The following BCO1 variants were observed in gnomAD, a reference collection of about 807,000 sequenced individuals.
The protein encoded by BCO1 is beta-carotene oxygenase 1.
In BCO1, 54 loss-of-function variants were observed where a neutral mutation model predicts 56.3. The ratio of observed to expected loss-of-function variants is 0.96; its 90% CI spans 0.77 to 1.20. BCO1 has a LOEUF of 1.20. Ranked by LOEUF, BCO1 falls within the 50% of genes most tolerant of loss-of-function variation. The probability of loss-of-function intolerance (pLI) is 0.00; values close to 1 mark genes in which losing one functional copy is unlikely to be tolerated. For missense variants in BCO1, 801 were observed against 690.9 expected (o/e 1.16, Z -1.79); for synonymous variants, 318 against 266.1 (o/e 1.20, Z -1.90).
At chr16:81,268,388 A>G (rs1906968375) in intron 6 of BCO1, among the ~76,000 whole-genome samples, 1 of 152,138 alleles carries the variant, frequency 6.6e-6, no homozygotes, top group Non-Finnish European at 1.5e-5. Flanking sequence ...CAAACATGGA[A>G]GCCCTGGCAG....
In BCO1 at chr16:81,270,301, A is replaced by G; in HGVS notation, c.986A>G (p.Asn329Ser). The G allele has an allele frequency of 2.5e-6, 4 of 1,614,026 alleles. No individual in the cohort carries two copies. Among genetic ancestry groups the G allele is most frequent in the Non-Finnish European group, 3.4e-6 (4 of 1,180,012 alleles). The change falls in exon 7 of 11, where the codon AAC (asparagine) becomes AGC (serine). Residue 329 changes from asparagine (N) to serine (S), a missense_variant. Physicochemically the swap from Asn to Ser is conservative, Grantham distance 46 (BLOSUM62 1). Coordinates refer to ENST00000258168, the MANE Select transcript of BCO1 (RefSeq NM_017429.3). ...IVFDVIAYED[N>S]SLYQLFYLAN... ...TTTGACGTCATTGCCTACGAGGACA[A>G]CAGCCTCTACCAGCTCTTCTACCTG...
intron 1 of BCO1, among the ~76,000 whole-genome samples, chr16:81,241,636 T>A (rs1298826111): frequency 6.6e-6 from 1 of 152,050 alleles, no homozygotes; most frequent in Non-Finnish European, 1.5e-5. Flanking sequence ...ATTCCAAAGG[T>A]AAGAACCATT....
intron 8 of BCO1, among the ~76,000 whole-genome samples, chr16:81,282,216 C>T (rs533440267): frequency 1.3e-5 from 2 of 152,070 alleles, no homozygotes; most frequent in Middle Eastern, 3.4e-3. Context: ...ACATCTCTAC[C>T]GAAAATACAA....
At chr16:81,274,421 A>T (rs1377539968) in intron 7 of BCO1, among the ~76,000 whole-genome samples, 2 of 151,776 alleles carry the variant, frequency 1.3e-5, no homozygotes, top group Non-Finnish European at 2.9e-5. Context: ...CCGCCACTAC[A>T]CCTGGCTTAT....
intron 2 of BCO1, among the ~76,000 whole-genome samples, chr16:81,251,874 A>ATTTGTG (rs138414050): frequency 6.1e-5 from 9 of 146,694 alleles, no homozygotes; most frequent in African/African-American, 2.3e-4. Context: ...ACACACATAT[A>ATTTGTG]TGTGTGTGTG....
At chr16:81,257,974 T>A (rs1906250270) in intron 2 of BCO1, among the ~76,000 whole-genome samples, 2 of 151,102 alleles carry the variant, frequency 1.3e-5, no homozygotes, top group Admixed American at 1.3e-4. Context: ...ATGGGCCCAG[T>A]GTAATCTCAA....
In BCO1 at chr16:81,246,818, T is replaced by C. The variant is rs558858015; in HGVS notation, c.193+1215T>C. ...GTGAGCTGAAATTGTGCCACTGCAC[T>C]CCAGCCTGGGAGACAGAGCCAGACT... is the stretch of plus-strand genomic sequence containing the variant. On this transcript the variant is annotated intron_variant, in intron 2 of 10. Transcript: ENST00000258168. 6.9e-4 allele frequency among the ~76,000 whole-genome samples: 91 copies of C among 132,784 alleles called. No individual in the cohort carries two copies. In the South Asian group the frequency reaches 8.1e-3, roughly 12 times the overall value. 87.1% of individuals were successfully genotyped at this position (132,784 alleles called of 152,430 possible).
At position 81,267,835 on chromosome 16, in the gene BCO1, G is replaced by A. The variant is rs1242061903; in HGVS notation, c.620-73G>A. ...TTTCAGCAATCAAGTCAGTTTGTAG[G>A]TGATGGTGGTGTGGTCTTGGGGGGG... On this transcript the variant is annotated intron_variant, in intron 5 of 10. Coordinates refer to ENST00000258168, the MANE Select transcript of BCO1 (RefSeq NM_017429.3). 28 of 1,274,816 alleles carry A rather than the reference G, an allele frequency of 2.2e-5. No individual in the cohort carries two copies. The East Asian group carries it at 2.3e-4, about 11-fold the overall frequency. The allele number at this position is 1,274,816 out of a possible 1,614,324, so 79.0% of individuals were successfully genotyped here.
At position 81,290,493 on chromosome 16, in the gene BCO1, C is replaced by T. The variant is rs1241969380; in HGVS notation, c.1560C>T (p.Asp520=). ...ATCTCCATGGATTATTCATTACAGACATGGACTGGGACACAAAAAAGCAGG... is the reference window on the plus strand; with the variant it reads ...ATCTCCATGGATTATTCATTACAGATATGGACTGGGACACAAAAAAGCAGG... ...HMDLHGLFIT[D]MDWDTKKQAA... The change falls in exon 11 of 11, where the codon GAC becomes GAT. Residue 520 remains aspartate (D), a synonymous_variant. Coordinates refer to ENST00000258168, the MANE Select transcript of BCO1 (RefSeq NM_017429.3). 1 of 1,614,052 alleles carries T rather than the reference C, an allele frequency of 6.2e-7. No homozygotes were observed. The highest frequency in any genetic ancestry group is 8.5e-7 in the Non-Finnish European group (1 of 1,180,034).
rs1325908245 is a variant in BCO1 at position 81,264,752 on chromosome 16, A to G, written c.584A>G (p.Lys195Arg). 2 of 1,614,190 alleles carry G rather than the reference A, an allele frequency of 1.2e-6. No individual in the cohort carries two copies. The highest frequency in any genetic ancestry group is 2.2e-5 in the East Asian group (1 of 44,882). ...GTSIVEKGKTKYVIFKIPATV... is the reference protein window; with the variant it reads ...GTSIVEKGKTRYVIFKIPATV... ...TCCATTGTGGAAAAGGGGAAGACAA[A>G]GTATGTGATTTTTAAGATCCCTGCC... The change falls in exon 5 of 11, where the codon AAG (lysine) becomes AGG (arginine). Residue 195 changes from lysine to arginine, a missense_variant. Lys to Arg is a conservative substitution (Grantham distance 26). Transcript: ENST00000258168.
intron 1 of BCO1, among the ~76,000 whole-genome samples, chr16:81,239,285 A>G (rs1356071710): frequency 1.3e-5 from 2 of 152,158 alleles, no homozygotes; most frequent in Admixed American, 6.6e-5. Context: ...CGAAAGTGCT[A>G]GGATTACAGG....
chr16:81,239,080 G>C (rs1249343329), intron 1 of BCO1, 108 bp downstream of exon 1: 6 of 959,428 alleles, frequency 6.3e-6, no homozygotes, highest in Non-Finnish European at 7.8e-6. Flanking sequence ...CCAGTGGCTT[G>C]ATCTCGGCCC....
At chr16:81,257,989 G>C (rs1019403068) in intron 2 of BCO1, among the ~76,000 whole-genome samples, 2 of 152,088 alleles carry the variant, frequency 1.3e-5, no homozygotes, top group African/African-American at 2.4e-5. Context: ...TCTCAAGAGA[G>C]AAGCAGGAGC....
chr16:81,279,419 G>A (rs1907738859), intron 7 of BCO1, among the ~76,000 whole-genome samples: 2 of 152,096 alleles, frequency 1.3e-5, no homozygotes, highest in Admixed American at 6.6e-5. Flanking sequence ...CAGTAGTGGT[G>A]GCAGCAATAT....
rs181796552 is a variant in BCO1 at position 81,289,958 on chromosome 16, G to A, written c.1415-390G>A. Among the ~76,000 whole-genome samples the A allele has an allele frequency of 2.4e-3, 361 of 152,324 alleles. 2 individuals carry two copies. The highest frequency in any genetic ancestry group is 3.1e-3 in the Admixed American group (47 of 15,308). The stretch of plus-strand genomic sequence containing the variant: ...CGGCTCACCGCAACCTCCACTCCCA[G>A]GTTCAAGTAATTCTCTGGCTTCAGT... On this transcript the variant is annotated intron_variant, in intron 10 of 10. Transcript: ENST00000258168.
intron 7 of BCO1, among the ~76,000 whole-genome samples, chr16:81,271,042 C>A (rs1046677021): frequency 2.6e-5 from 4 of 152,082 alleles, no homozygotes; most frequent in African/African-American, 9.7e-5. Flanking sequence ...CTGCACCTGG[C>A]TGTCTTACAT....
rs201662228 is a variant in BCO1 at position 81,262,242 on chromosome 16, A to G, written c.430A>G (p.Ile144Val). The G allele has an allele frequency of 5.6e-6, 9 of 1,613,774 alleles. No homozygotes were observed. In the East Asian group the frequency reaches 1.1e-4, roughly 20 times the overall value. Residue 144 changes from isoleucine to valine, a missense_variant, in exon 4 of 11, where the codon ATC becomes GTC. By Grantham distance (29) the Ile-to-Val change is conservative. Coordinates refer to ENST00000258168, the MANE Select transcript of BCO1 (RefSeq NM_017429.3). Reference protein sequence around the residue: ...DFYATSETNYIRKINPQTLET... With the variant: ...DFYATSETNYVRKINPQTLET... The stretch of plus-strand genomic sequence containing the variant: ...CTACGCGACCTCAGAGACCAATTAC[A>G]TCAGGAAAATCAACCCACAGACTCT...
In BCO1 at chr16:81,267,964, C is replaced by G; in HGVS notation, c.676C>G (p.Pro226Ala). The change falls in exon 6 of 11, where the codon CCA (proline) becomes GCA (alanine). Residue 226 changes from proline to alanine, a missense_variant. Transcript: ENST00000258168. ...WKHTEVFCSI[P>A]SRSLLSPSYY... Reference sequence around the variant, plus strand: ...GCACACAGAGGTGTTCTGCTCCATCCCATCCCGCTCCCTGCTCTCCCCAAG... The same window carrying G: ...GCACACAGAGGTGTTCTGCTCCATCGCATCCCGCTCCCTGCTCTCCCCAAG... 1 of 1,613,966 alleles carries G rather than the reference C, an allele frequency of 6.2e-7. No individual in the cohort carries two copies.
chr16:81,244,238 C>G (rs1229326957), intron 1 of BCO1, among the ~76,000 whole-genome samples: 3 of 152,186 alleles, frequency 2.0e-5, no homozygotes, highest in African/African-American at 7.2e-5. Flanking sequence ...AGCACCCTGC[C>G]TCTAGAGCAG....
Sources: allele counts gnomAD v4.1 joint callset (sites outside exome capture counted in the v4.1 genomes callset), GRCh38; gene constraint gnomAD v4.1.1; transcripts MANE v1.5; gene names NCBI Gene and HGNC (gene_info 2026-07-23, HGNC 2026-07-21).